SDHAF3: variants seen among roughly 807,000 people sequenced by gnomAD.
The protein encoded by SDHAF3 is succinate dehydrogenase assembly factor 3, mitochondrial.
Under a neutral mutation model 11.5 loss-of-function variants are expected in SDHAF3, and 18 were observed. The observed-to-expected ratio is 1.56, with a 90% CI of 1.08 to 2.32. The LOEUF (loss-of-function observed/expected upper bound fraction) is 2.32. SDHAF3 is among the 30% of genes most tolerant of loss of function. SDHAF3 has a pLI of 0.00. For synonymous variants in SDHAF3, 72 were observed against 59.3 expected (o/e 1.21, Z -0.99); for missense variants, 200 against 154.4 (o/e 1.30, Z -1.57).
intron 1 of SDHAF3, among the ~76,000 whole-genome samples, chr7:97,160,179 C>T (rs1218034062): frequency 9.9e-5 from 14 of 140,828 alleles, no homozygotes; most frequent in Admixed American, 1.4e-4. Context: ...CCTGCCCGGC[C>T]ACCCATCGTC....
At chr7:97,127,897 GTTTT>G (rs920829054) in intron 1 of SDHAF3, among the ~76,000 whole-genome samples, 1 of 106,250 alleles carries the variant, frequency 9.4e-6, no homozygotes. Flanking sequence ...TCTACATCAA[GTTTT>G]TTTTTTTTTT....
At position 97,117,785 on chromosome 7, in the gene SDHAF3, G is replaced by A. The variant is rs1791427206; in HGVS notation, c.62G>A (p.Arg21His). ...ALYKRVLQLH[R>H]VLPPDLKSLG... ...TACAAGCGCGTCTTGCAGCTGCACC[G>A]TGTTCTGCCCCCGGACCTCAAATCC... is the stretch of plus-strand genomic sequence containing the variant. Residue 21 changes from arginine (R) to histidine (H), a missense_variant, in exon 1 of 2, where the codon CGT (arginine) becomes CAT (histidine). By Grantham distance (29) the Arg-to-His change is conservative. Coordinates refer to ENST00000432641, the MANE Select transcript of SDHAF3 (RefSeq NM_020186.3). 1 of 1,614,168 alleles carries A rather than the reference G, an allele frequency of 6.2e-7. No individual in the cohort carries two copies. Among genetic ancestry groups the A allele is most frequent in the South Asian group, 1.1e-5 (1 of 91,086 alleles).
intron 1 of SDHAF3, among the ~76,000 whole-genome samples, chr7:97,154,611 C>T (rs954462884): frequency 2.0e-5 from 3 of 152,074 alleles, no homozygotes; most frequent in Non-Finnish European, 4.4e-5. Flanking sequence ...TTTTTCAGAG[C>T]AGAAGTTTTA....
chr7:97,181,292 T>C lies in SDHAF3; in HGVS notation c.*77T>C. 8.9e-7 allele frequency: 1 copy of C among 1,129,384 alleles called. No homozygotes were observed. Among genetic ancestry groups the C allele is most frequent in the Non-Finnish European group, 1.2e-6 (1 of 800,778 alleles). 70.0% of individuals were successfully genotyped at this position (1,129,384 alleles called of 1,614,324 possible). ...AACTGTCATTGGTTTTTGAAATATA[T>C]TTAAGCTTTGAAAACACCTGTTATT... On this transcript the variant is annotated 3_prime_UTR_variant, in exon 2 of 2. Transcript: ENST00000432641.
At chr7:97,141,060 G>T (rs1043671858) in intron 1 of SDHAF3, among the ~76,000 whole-genome samples, 2 of 152,216 alleles carry the variant, frequency 1.3e-5, no homozygotes, top group Admixed American at 1.3e-4. Flanking sequence ...GGGGATGGCT[G>T]TCTTTTACGG....
chr7:97,132,075 G>A (rs1791679266), intron 1 of SDHAF3, among the ~76,000 whole-genome samples: 1 of 152,052 alleles, frequency 6.6e-6, no homozygotes, highest in African/African-American at 2.4e-5. Flanking sequence ...TAAAAATCAG[G>A]TGTTACTTTA....
At chr7:97,178,794 T>C (rs954519988) in intron 1 of SDHAF3, among the ~76,000 whole-genome samples, 4 of 152,178 alleles carry the variant, frequency 2.6e-5, no homozygotes, top group African/African-American at 9.7e-5. Context: ...TTTTGTAGTT[T>C]GTCTTTTTAC....
At chr7:97,117,979 G>C (rs1791434150) in intron 1 of SDHAF3, 82 bp downstream of exon 1, 1 of 1,522,196 alleles carries the variant, frequency 6.6e-7, no homozygotes, top group Non-Finnish European at 8.9e-7. Flanking sequence ...CCCCATGCGG[G>C]GTTAAACAGA....
intron 1 of SDHAF3, among the ~76,000 whole-genome samples, chr7:97,162,989 G>T (rs1475894512): frequency 6.6e-6 from 1 of 152,122 alleles, no homozygotes; most frequent in African/African-American, 2.4e-5. Context: ...TGACAGTGGG[G>T]TGTTAAAGTC....
intron 1 of SDHAF3, among the ~76,000 whole-genome samples, chr7:97,166,549 T>C (rs547307251): frequency 5.7e-4 from 87 of 152,310 alleles, no homozygotes; most frequent in African/African-American, 2.0e-3. Flanking sequence ...AGAGAACAGA[T>C]TGTAAGACTT....
chr7:97,160,791 G>C (rs1789396314), intron 1 of SDHAF3, among the ~76,000 whole-genome samples: 1 of 152,198 alleles, frequency 6.6e-6, no homozygotes, highest in African/African-American at 2.4e-5. Flanking sequence ...ATGACAAATG[G>C]CTGCTGAAGC....
intron 1 of SDHAF3, among the ~76,000 whole-genome samples, chr7:97,156,211 T>G (rs1789299829): frequency 6.6e-6 from 1 of 152,220 alleles, no homozygotes; most frequent in African/African-American, 2.4e-5. Flanking sequence ...TTCCCTGTTT[T>G]TGATGACCTT....
intron 1 of SDHAF3, among the ~76,000 whole-genome samples, chr7:97,159,341 T>C (rs1789361460): frequency 6.6e-6 from 1 of 152,192 alleles, no homozygotes. Context: ...TTTCCAGAAA[T>C]ATGTGGGTGC....
chr7:97,178,773 A>AT (rs776110766), intron 1 of SDHAF3, among the ~76,000 whole-genome samples: 73 of 151,840 alleles, frequency 4.8e-4, no homozygotes, highest in Non-Finnish European at 5.2e-4. Flanking sequence ...CGATTTGCAA[A>AT]TTTTTTCTCA....
At chr7:97,131,215 G>T (rs1201395316) in intron 1 of SDHAF3, among the ~76,000 whole-genome samples, 3 of 152,156 alleles carry the variant, frequency 2.0e-5, no homozygotes, top group Non-Finnish European at 4.4e-5. Flanking sequence ...AATCTTGCTT[G>T]TTTGCTTGTT....
chr7:97,148,849 T>A (rs1584221578), intron 1 of SDHAF3, among the ~76,000 whole-genome samples: 1 of 152,270 alleles, frequency 6.6e-6, no homozygotes, highest in Non-Finnish European at 1.5e-5. Flanking sequence ...TGTAAATATA[T>A]ATTATCTGTA....
chr7:97,135,037 G>T (rs1791729017), intron 1 of SDHAF3: 1 of 150,146 alleles, frequency 6.7e-6, no homozygotes, highest in African/African-American at 2.4e-5. Flanking sequence ...TCTTTCTCCT[G>T]TCTGTCATCC....
intron 1 of SDHAF3, among the ~76,000 whole-genome samples, chr7:97,118,142 A>G (rs1791437270): frequency 6.6e-6 from 1 of 152,112 alleles, no homozygotes; most frequent in African/African-American, 2.4e-5. Context: ...AGGTGCTCAA[A>G]GGGTGAGGGT....
chr7:97,132,520 G>A (rs1156533321), intron 1 of SDHAF3, among the ~76,000 whole-genome samples: 1 of 152,124 alleles, frequency 6.6e-6, no homozygotes, highest in Non-Finnish European at 1.5e-5. Context: ...GTTAAGCAAT[G>A]TGAATAATCT....
Sources: gnomAD v4.1 joint callset for allele counts (sites outside exome capture counted in the v4.1 genomes callset) on GRCh38, gnomAD v4.1.1 for gene constraint, MANE v1.5 for transcripts, NCBI Gene and HGNC (gene_info 2026-07-23, HGNC 2026-07-21) for gene names.